Variants in THADA observed in about 807,000 individuals in gnomAD.
THADA encodes the protein tRNA (32-2'-O)-methyltransferase regulator THADA.
In THADA, 213 loss-of-function variants were observed where a neutral mutation model predicts 219.8. The observed-to-expected ratio is 0.97, with a 90% CI of 0.87 to 1.09. THADA has a LOEUF of 1.09. THADA is among the 50% of genes least tolerant of loss of function. THADA has a pLI of 0.00. For missense variants in THADA, 2,956 were observed against 2,311.3 expected, an observed-to-expected ratio of 1.28 and a Z score of -5.72; for synonymous variants, 1,018 against 828.9, an observed-to-expected ratio of 1.23 and a Z score of -3.92.
chr2:43,486,554 T>C (rs1368009707), intron 25 of THADA: 1 of 152,150 alleles, frequency 6.6e-6, no homozygotes, highest in African/African-American at 2.4e-5. Flanking sequence ...CATAACCACA[T>C]GGTGTGTTAA....
chr2:43,520,668 C>A (rs909299485), intron 22 of THADA, among the ~76,000 whole-genome samples: 1 of 150,248 alleles, frequency 6.7e-6, no homozygotes, highest in Non-Finnish European at 1.5e-5. Flanking sequence ...CCAGCCTAGG[C>A]AAAAGAGTAA....
At position 43,373,847 on chromosome 2, in the gene THADA, A is replaced by G. The variant is rs570209175; in HGVS notation, c.4227+24124T>C. Among the ~76,000 whole-genome samples the G allele has an allele frequency of 5.9e-5, 9 of 152,344 alleles. No homozygotes were observed. The South Asian group carries it at 6.2e-4, about 11-fold the overall frequency. ...AACTCATTTCTAATATTACCAACAG[A>G]TGTTCTTTGTATTGATCACAACATC... On this transcript the variant is annotated intron_variant, in intron 29 of 37. Coordinates refer to ENST00000405975, the MANE Select transcript of THADA (RefSeq NM_022065.5).
chr2:43,260,787 C>G lies in THADA; in HGVS notation c.5296+18978G>C, dbSNP rs114443674. Among the ~76,000 whole-genome samples, 980 of 152,220 alleles carry G rather than the reference C, an allele frequency of 6.4e-3. 11 individuals are homozygous for G. Among genetic ancestry groups the G allele is most frequent in the African/African-American group, 0.023 (938 of 41,530 alleles). On this transcript the variant is annotated intron_variant, in intron 36 of 37. Transcript: ENST00000405975. ...TATGAAATGGAAATTTTTTTGGTAA[C>G]ATGAAATATGATCAGTTTTTGTAAA...
chr2:43,576,504 GATCACATTAGAT>G (rs1174322113), intron 10 of THADA, among the ~76,000 whole-genome samples: 1 of 152,022 alleles, frequency 6.6e-6, no homozygotes, highest in Non-Finnish European at 1.5e-5. Context: ...GCCATTTGAG[GATCACATTAGAT>G]TACCTATGTT....
At chr2:43,427,888 G>A (rs942709208) in intron 28 of THADA, among the ~76,000 whole-genome samples, 1 of 149,476 alleles carries the variant, frequency 6.7e-6, no homozygotes, top group Admixed American at 6.7e-5. Flanking sequence ...CCTGGGAGGG[G>A]GAGCTTGCAG....
Position 43,541,300 on chromosome 2 carries a change from T to A in THADA, c.3123A>T (p.Thr1041=), listed in dbSNP as rs1266504515. The A allele has an allele frequency of 1.2e-6, 2 of 1,612,902 alleles. No individual in the cohort carries two copies. Among genetic ancestry groups the A allele is most frequent in the East Asian group, 2.2e-5 (1 of 44,796 alleles). The part of the protein sequence containing the change: ...STEIKGKEVK[T]CDVTAQMVLV... ...GCACCATCTGCGCAGTTACATCACA[T>A]GTTTTTACTTCTTTACCTTAAACAA... The change falls in exon 21 of 38, where the codon ACA becomes ACT. Residue 1041 remains threonine, a synonymous_variant. Coordinates refer to ENST00000405975, the MANE Select transcript of THADA (RefSeq NM_022065.5).
chr2:43,573,570 C>T (rs946113148), intron 11 of THADA, among the ~76,000 whole-genome samples: 1 of 152,148 alleles, frequency 6.6e-6, no homozygotes, highest in Non-Finnish European at 1.5e-5. Context: ...AACTCAAGAA[C>T]AAGTGTTGTC....
intron 36 of THADA, among the ~76,000 whole-genome samples, chr2:43,244,774 C>T (rs959480758): frequency 2.6e-5 from 4 of 152,244 alleles, no homozygotes; most frequent in African/African-American, 9.6e-5. Flanking sequence ...TATGCCTGCT[C>T]CTTGATGATT....
chr2:43,257,010 C>G (rs558772656), intron 36 of THADA, among the ~76,000 whole-genome samples: 222 of 152,352 alleles, frequency 1.5e-3, no homozygotes, highest in African/African-American at 5.1e-3. Context: ...AGTATTCTCT[C>G]TCCAAGATGG....
At chr2:43,571,043 T>C (rs1699233418) in intron 13 of THADA, among the ~76,000 whole-genome samples, 1 of 151,900 alleles carries the variant, frequency 6.6e-6, no homozygotes, top group African/African-American at 2.4e-5. Flanking sequence ...ACCACTAGAG[T>C]CCAGGAGTTT....
chr2:43,304,063 T>C (rs1676566716), intron 31 of THADA, among the ~76,000 whole-genome samples: 1 of 152,152 alleles, frequency 6.6e-6, no homozygotes, highest in Admixed American at 6.5e-5. Context: ...TGTTTAATGG[T>C]ATTTGTTTTT....
chr2:43,245,212 G>A (rs1669021866), intron 36 of THADA, among the ~76,000 whole-genome samples: 2 of 115,142 alleles, frequency 1.7e-5, no homozygotes, highest in Middle Eastern at 6.3e-3. Context: ...TTGCTCTGTC[G>A]CCCAGGCTGG....
At chr2:43,367,322 TTTATG>T (rs1334202255) in intron 29 of THADA, among the ~76,000 whole-genome samples, 1 of 152,184 alleles carries the variant, frequency 6.6e-6, no homozygotes, top group Non-Finnish European at 1.5e-5. Context: ...GATAGTAAAT[TTTATG>T]TTATGTGTCT....
At chr2:43,278,605 G>T (rs948008923) in intron 36 of THADA, among the ~76,000 whole-genome samples, 2 of 152,202 alleles carry the variant, frequency 1.3e-5, no homozygotes, top group Admixed American at 6.5e-5. Flanking sequence ...ATGCTATCCT[G>T]CTGAGAGGAA....
rs1195246428 is a variant in THADA at position 43,514,676 on chromosome 2, ATAT to A, written c.3375-5899_3375-5897del. ...TATATTGTATATAATAATATATAATATATTATATTATATATAATATATATAATA... is the reference window on the plus strand; with the variant it reads ...TATATTGTATATAATAATATATAATATATATTATATATAATATATATAATA... On this transcript the variant is annotated intron_variant, in intron 22 of 37. Coordinates refer to ENST00000405975, the MANE Select transcript of THADA (RefSeq NM_022065.5). Among the ~76,000 whole-genome samples, 263 of 85,920 alleles carry A rather than the reference ATAT, an allele frequency of 3.1e-3. 4 individuals are homozygous for A. Among genetic ancestry groups the A allele is most frequent in the Middle Eastern group, 6.7e-3 (1 of 150 alleles). 56.4% of individuals were successfully genotyped at this position (85,920 alleles called of 152,430 possible). A position where few individuals can be genotyped will look rare whatever the true frequency, so the allele number is the denominator to read the frequency against.
chr2:43,309,003 T>C (rs1176108420), intron 31 of THADA, among the ~76,000 whole-genome samples: 1 of 152,106 alleles, frequency 6.6e-6, no homozygotes, highest in African/African-American at 2.4e-5. Context: ...ATGTCTGCTC[T>C]TCAAAAGACA....
chr2:43,478,033 C>T (rs1010571950), intron 26 of THADA, among the ~76,000 whole-genome samples: 2 of 150,130 alleles, frequency 1.3e-5, no homozygotes, highest in Admixed American at 1.3e-4. Flanking sequence ...CCCTGACAGT[C>T]AGTGCCAGAG....
At chr2:43,267,089 C>A (rs1035656445) in intron 36 of THADA, among the ~76,000 whole-genome samples, 1 of 152,192 alleles carries the variant, frequency 6.6e-6, no homozygotes, top group South Asian at 2.1e-4. Flanking sequence ...GAAGTGTCTG[C>A]ATTTTGGGTG....
In THADA at chr2:43,586,863, A is replaced by G; in HGVS notation, c.442T>C (p.Phe148Leu). The G allele has an allele frequency of 6.2e-7, 1 of 1,613,788 alleles. No homozygotes were observed. The highest frequency in any genetic ancestry group is 8.5e-7 in the Non-Finnish European group (1 of 1,179,800). The change falls in exon 5 of 38, where the codon TTT becomes CTT. Residue 148 changes from phenylalanine to leucine, a missense_variant. Physicochemically the swap from Phe to Leu is conservative, Grantham distance 22. Coordinates refer to ENST00000405975, the MANE Select transcript of THADA (RefSeq NM_022065.5). Reference protein sequence around the residue: ...TDNISSCMENFNLGRASVNNL... With the variant: ...TDNISSCMENLNLGRASVNNL... ...AAAAGTGCAGCCTTACCCAAGTTAA[A>G]GTTCTCCATACAGGAAGAAATATTG...
Sources: gnomAD v4.1 joint callset for allele counts (sites outside exome capture counted in the v4.1 genomes callset) on GRCh38, gnomAD v4.1.1 for gene constraint, MANE v1.5 for transcripts, NCBI Gene and HGNC (gene_info 2026-07-23, HGNC 2026-07-21) for gene names.